The following PEAK1 variants were observed in gnomAD, a reference collection of about 807,000 sequenced individuals.
PEAK1 encodes inactive tyrosine-protein kinase PEAK1.
Under a neutral mutation model 124.7 loss-of-function variants are expected in PEAK1, and 54 were observed. The observed-to-expected ratio is 0.43, with a 90% confidence interval of 0.35 to 0.54. The LOEUF is 0.54. PEAK1 is among the 20% of genes least tolerant of loss of function. PEAK1 has a pLI of 0.01. For missense variants in PEAK1, 2,046 were observed against 2,134.5 expected, an observed-to-expected ratio of 0.96 and a Z score of 0.82; for synonymous variants, 719 against 760.0, an observed-to-expected ratio of 0.95 and a Z score of 0.89.
At chr15:77,270,555 G>C (rs2061975124) in intron 5 of PEAK1, among the ~76,000 whole-genome samples, 1 of 152,094 alleles carries the variant, frequency 6.6e-6, no homozygotes, top group Admixed American at 6.6e-5. Flanking sequence ...AAAATACCTA[G>C]GAATCCAACT....
Position 77,180,333 on chromosome 15 carries a change from G to C in PEAK1, c.1594C>G (p.Gln532Glu). The C allele has an allele frequency of 6.2e-7, 1 of 1,614,024 alleles. No individual in the cohort carries two copies. The highest frequency in any genetic ancestry group is 8.5e-7 in the Non-Finnish European group (1 of 1,179,936). The change falls in exon 7 of 10, where the codon CAA becomes GAA. Residue 532 changes from glutamine (Q) to glutamate (E), a missense_variant. Transcript: ENST00000682557. ...HFQKSSAIRY[Q>E]EVWTSSTSPR... is the part of the protein sequence containing the mutation. ...CTGGTGCTAGAAGTCCATACTTCTTGGTATCGAATTGCACTGGATTTTTGG... is the reference window on the plus strand; with the variant it reads ...CTGGTGCTAGAAGTCCATACTTCTTCGTATCGAATTGCACTGGATTTTTGG...
chr15:77,261,614 A>G (rs967492916), intron 5 of PEAK1, among the ~76,000 whole-genome samples: 2 of 152,238 alleles, frequency 1.3e-5, no homozygotes, highest in Non-Finnish European at 1.5e-5. Flanking sequence ...CTATGTGAAC[A>G]GACCAAATCT....
intron 6 of PEAK1, among the ~76,000 whole-genome samples, chr15:77,231,906 A>T (rs1410835541): frequency 2.0e-5 from 3 of 152,212 alleles, no homozygotes; most frequent in Non-Finnish European, 2.9e-5. Flanking sequence ...TCTTAAAAGT[A>T]CTTCTGACTA....
intron 5 of PEAK1, among the ~76,000 whole-genome samples, chr15:77,282,078 C>A (rs2062701192): frequency 6.6e-6 from 1 of 152,130 alleles, no homozygotes; most frequent in Admixed American, 6.5e-5. Flanking sequence ...CCATGTTAAA[C>A]TTTAAAATAA....
chr15:77,110,665 C>T lies in PEAK1; in HGVS notation c.*3491G>A, dbSNP rs926122430. The T allele has an allele frequency of 1.3e-5, 2 of 152,234 alleles. No individual in the cohort carries two copies. The highest frequency in any genetic ancestry group is 4.8e-5 in the African/African-American group (2 of 41,458). The allele number at this position is 152,234 out of a possible 1,614,324, so 9.4% of individuals were successfully genotyped here. A position where few individuals can be genotyped will look rare whatever the true frequency, so the allele number is the denominator to read the frequency against. The stretch of plus-strand genomic sequence containing the variant: ...TGAGTGCTTGTGCCCTCACCTCAAC[C>T]CATACCTCACCCAGTTCATCTTCTG... On this transcript the variant is annotated 3_prime_UTR_variant, in exon 10 of 10. Transcript: ENST00000682557.
chr15:77,361,846 T>C (rs1209344706), intron 2 of PEAK1, among the ~76,000 whole-genome samples: 1 of 151,382 alleles, frequency 6.6e-6, no homozygotes, highest in East Asian at 1.9e-4. Context: ...AAAGGATGAA[T>C]GGATGAAGAA....
chr15:77,161,778 C>G (rs894300427), intron 7 of PEAK1, among the ~76,000 whole-genome samples: 1 of 151,686 alleles, frequency 6.6e-6, no homozygotes, highest in Non-Finnish European at 1.5e-5. Flanking sequence ...CCAGCCTGGC[C>G]AAGATGGTGA....
chr15:77,106,320 T>C (rs937784899), downstream of PEAK1: 1 of 151,764 alleles, frequency 6.6e-6, no homozygotes, highest in African/African-American at 2.4e-5. Context: ...AAGCTATATG[T>C]CTACGTGTAA....
intron 6 of PEAK1, among the ~76,000 whole-genome samples, chr15:77,214,578 C>T (rs150695901): frequency 0.022 from 3,373 of 150,286 alleles, 106 homozygotes; most frequent in African/African-American, 0.072. Flanking sequence ...GAGCCAAGAT[C>T]GCACCACTAC....
intron 2 of PEAK1, chr15:77,352,481 GC>G (rs2067267161): frequency 1.0e-6 from 1 of 985,076 alleles, no homozygotes; most frequent in Non-Finnish European, 1.2e-6. Flanking sequence ...GGAAATGGGG[GC>G]TATGGAGAGA....
intron 8 of PEAK1, among the ~76,000 whole-genome samples, chr15:77,150,783 A>G (rs919896606): frequency 6.6e-6 from 1 of 151,244 alleles, no homozygotes; most frequent in African/African-American, 2.4e-5. Context: ...TGTCCTTGCA[A>G]TAGTTTGCTG....
At chr15:77,333,558 T>C in intron 2 of PEAK1, 3 of 896,190 alleles carry the variant, frequency 3.3e-6, no homozygotes, top group Non-Finnish European at 4.0e-6. Flanking sequence ...CATTTCCTTA[T>C]GTTTTTATTC....
intron 5 of PEAK1, among the ~76,000 whole-genome samples, chr15:77,265,137 A>G (rs919139481): frequency 3.9e-5 from 6 of 152,168 alleles, no homozygotes; most frequent in Non-Finnish European, 8.8e-5. Context: ...CGTTAGACCT[A>G]AAACCATAAA....
At chr15:77,160,286 G>C (rs897936555) in intron 7 of PEAK1, among the ~76,000 whole-genome samples, 1 of 152,176 alleles carries the variant, frequency 6.6e-6, no homozygotes, top group African/African-American at 2.4e-5. Context: ...TTACTGAGTA[G>C]TTATCAACAT....
chr15:77,276,088 CAG>C (rs2062307670), intron 5 of PEAK1, among the ~76,000 whole-genome samples: 1 of 151,892 alleles, frequency 6.6e-6, no homozygotes, highest in African/African-American at 2.4e-5. Flanking sequence ...AAAAAACAAA[CAG>C]AACTTTGGTG....
rs781519612 is a variant in PEAK1 at position 77,181,576 on chromosome 15, G to A, written c.351C>T (p.Asn117=). ...TTCCTTCATCATCTTCATTATTATTGTTAAGTGGTTTCTGACTCAAGGCAG... is the reference window on the plus strand; with the variant it reads ...TTCCTTCATCATCTTCATTATTATTATTAAGTGGTTTCTGACTCAAGGCAG... ...NRAALSQKPL[N]NNNEDDEGIS... Residue 117 remains asparagine (N), a synonymous_variant, in exon 7 of 10, where the codon AAC becomes AAT. Transcript: ENST00000682557. 27 of 1,613,870 alleles carry A rather than the reference G, an allele frequency of 1.7e-5. No homozygotes were observed. Among genetic ancestry groups the A allele is most frequent in the Non-Finnish European group, 2.1e-5 (25 of 1,180,004 alleles).
intron 8 of PEAK1, among the ~76,000 whole-genome samples, chr15:77,137,982 G>C (rs1329911275): frequency 6.6e-6 from 1 of 152,174 alleles, no homozygotes; most frequent in East Asian, 1.9e-4. Context: ...AGTCTCACAA[G>C]ATCTGACGGT....
chr15:77,174,939 A>G (rs1238457065), intron 7 of PEAK1, among the ~76,000 whole-genome samples: 3 of 151,938 alleles, frequency 2.0e-5, no homozygotes, highest in Admixed American at 6.6e-5. Flanking sequence ...GCCCTCAGAA[A>G]TAACGCCACA....
At chr15:77,302,299 T>G (rs763950095) in intron 2 of PEAK1, among the ~76,000 whole-genome samples, 2 of 152,202 alleles carry the variant, frequency 1.3e-5, no homozygotes, top group Non-Finnish European at 2.9e-5. Context: ...CATATACATA[T>G]ATCTATAAAC....
Sources: gnomAD v4.1 joint callset for allele counts (sites outside exome capture counted in the v4.1 genomes callset) on GRCh38, gnomAD v4.1.1 for gene constraint, MANE v1.5 for transcripts, NCBI Gene and HGNC (gene_info 2026-07-23, HGNC 2026-07-21) for gene names.